OPCML: variants seen among roughly 807,000 people sequenced by gnomAD.
OPCML encodes the protein opioid binding protein/cell adhesion molecule like.
Under a neutral mutation model 37.8 loss-of-function variants are expected in OPCML, and 13 were observed. That is an observed-to-expected ratio of 0.34 (90% confidence interval 0.22 to 0.55). OPCML has a LOEUF of 0.55. Ranked by LOEUF, OPCML falls within the 20% of genes least tolerant of loss-of-function variation. The probability of loss-of-function intolerance (pLI) is 0.91; values close to 1 mark genes in which losing one functional copy is unlikely to be tolerated. For missense variants in OPCML, 341 were observed against 435.6 expected (o/e 0.78, Z 1.93); for synonymous variants, 176 against 168.8 (o/e 1.04, Z -0.33).
At chr11:133,335,636 A>G (rs1372066612) in intron 1 of OPCML, among the ~76,000 whole-genome samples, 2 of 152,186 alleles carry the variant, frequency 1.3e-5, no homozygotes, top group Non-Finnish European at 2.9e-5. Context: ...AAAACAGTTA[A>G]TTCAACACTG....
At chr11:132,820,570 G>A (rs1939922265) in intron 2 of OPCML, among the ~76,000 whole-genome samples, 1 of 152,090 alleles carries the variant, frequency 6.6e-6, no homozygotes, top group Non-Finnish European at 1.5e-5. Context: ...CAAGCCCCTT[G>A]GCCTTACCCT....
intron 1 of OPCML, among the ~76,000 whole-genome samples, chr11:133,370,188 T>C (rs2136748573): frequency 6.6e-6 from 1 of 152,262 alleles, no homozygotes. Context: ...GTAAGGAGCA[T>C]TAAAGTTATT....
chr11:133,235,697 C>T (rs1940480295), intron 1 of OPCML, among the ~76,000 whole-genome samples: 1 of 152,156 alleles, frequency 6.6e-6, no homozygotes, highest in Middle Eastern at 3.2e-3. Context: ...GGTCCTAAAC[C>T]ACCCGTTAGG....
intron 1 of OPCML, among the ~76,000 whole-genome samples, chr11:133,480,282 T>C (rs1289265217): frequency 1.3e-5 from 2 of 152,238 alleles, no homozygotes; most frequent in Non-Finnish European, 2.9e-5. Context: ...CTATTATCAC[T>C]GTATTTATTT....
intron 1 of OPCML, among the ~76,000 whole-genome samples, chr11:133,333,793 A>C (rs1565577843): frequency 6.6e-6 from 1 of 152,232 alleles, no homozygotes. Context: ...CAAATTTACA[A>C]GAGAAAAACA....
intron 1 of OPCML, among the ~76,000 whole-genome samples, chr11:133,068,918 A>C (rs1321345477): frequency 6.6e-6 from 1 of 152,210 alleles, no homozygotes; most frequent in Admixed American, 6.5e-5. Context: ...AAAGCAAGTG[A>C]CTAGCTTAAA....
At chr11:132,694,474 G>A (rs1243749159) in intron 2 of OPCML, among the ~76,000 whole-genome samples, 1 of 152,038 alleles carries the variant, frequency 6.6e-6, no homozygotes. Context: ...TGGGATTATA[G>A]GCGTGAGCCA....
intron 3 of OPCML, among the ~76,000 whole-genome samples, chr11:132,547,957 A>C (rs1043084332): frequency 6.6e-6 from 1 of 152,214 alleles, no homozygotes; most frequent in African/African-American, 2.4e-5. Flanking sequence ...TAAAAATGAG[A>C]GCTTAGACCT....
intron 2 of OPCML, among the ~76,000 whole-genome samples, chr11:132,876,546 CA>C (rs1565929666): frequency 1.3e-5 from 2 of 152,336 alleles, no homozygotes; most frequent in East Asian, 3.9e-4. Context: ...TAATCATCCT[CA>C]TGCTTACAGT....
intron 2 of OPCML, among the ~76,000 whole-genome samples, chr11:132,749,527 A>G (rs1945758987): frequency 1.3e-5 from 2 of 152,160 alleles, no homozygotes; most frequent in South Asian, 4.1e-4. Context: ...AGACATTCAA[A>G]CAGAGATGTC....
chr11:132,931,157 A>C, intron 2 of OPCML, among the ~76,000 whole-genome samples: 1 of 152,080 alleles, frequency 6.6e-6, no homozygotes, highest in East Asian at 1.9e-4. Context: ...TATACAAAAA[A>C]AAAACCCTCA....
At chr11:133,493,050 G>C (rs1257054585) in intron 1 of OPCML, among the ~76,000 whole-genome samples, 1 of 152,200 alleles carries the variant, frequency 6.6e-6, no homozygotes. Flanking sequence ...CCCAGTATCT[G>C]CATCTCAAAC....
intron 3 of OPCML, among the ~76,000 whole-genome samples, chr11:132,590,184 C>A (rs2096482085): frequency 6.6e-6 from 1 of 152,086 alleles, no homozygotes. Flanking sequence ...TCTTACTATT[C>A]AAATTTTATT....
chr11:133,463,621 G>A (rs986852415), intron 1 of OPCML, among the ~76,000 whole-genome samples: 20 of 151,850 alleles, frequency 1.3e-4, no homozygotes, highest in Admixed American at 1.1e-3. Context: ...GCTATCTCTC[G>A]AGGGGAAGAC....
chr11:133,282,278 C>A (rs1420000531), intron 1 of OPCML, among the ~76,000 whole-genome samples: 1 of 152,188 alleles, frequency 6.6e-6, no homozygotes, highest in Non-Finnish European at 1.5e-5. Flanking sequence ...CTGTCCTGAG[C>A]AATCTCCAGA....
At chr11:133,434,831 C>CAT (rs1349926703) in intron 1 of OPCML, among the ~76,000 whole-genome samples, 49 of 143,520 alleles carry the variant, frequency 3.4e-4, no homozygotes, top group African/African-American at 1.2e-3. Flanking sequence ...TATACACACA[C>CAT]ATATATATAT....
intron 1 of OPCML, among the ~76,000 whole-genome samples, chr11:133,410,634 TAAAAAAAAAAAAAAAAAAAAA>T (rs71038527): frequency 0.29 from 13,900 of 47,224 alleles, 943 homozygotes; most frequent in South Asian, 0.42. Context: ...AGAAAAAAAG[TAAAAAAAAAAAAAAAAAAAAA>T]AAAAAAAAAA....
At chr11:132,955,073 A>G (rs985091117) in intron 1 of OPCML, among the ~76,000 whole-genome samples, 1 of 152,162 alleles carries the variant, frequency 6.6e-6, no homozygotes, top group African/African-American at 2.4e-5. Flanking sequence ...TGGTGAGCTG[A>G]GGAATGAGTG....
At chr11:133,148,535 A>G (rs887405611) in intron 1 of OPCML, among the ~76,000 whole-genome samples, 7 of 152,132 alleles carry the variant, frequency 4.6e-5, no homozygotes, top group Admixed American at 2.0e-4. Context: ...TTTGCAGGAG[A>G]CTGGCCTTCG....
Sources: allele counts gnomAD v4.1 joint callset (sites outside exome capture counted in the v4.1 genomes callset), GRCh38; gene constraint gnomAD v4.1.1; transcripts MANE v1.5; gene names NCBI Gene and HGNC (gene_info 2026-07-23, HGNC 2026-07-21).